Variants in FHOD3 observed in about 807,000 individuals in gnomAD.
FHOD3 encodes FH1/FH2 domain-containing protein 3.
FHOD3 carries 90 observed loss-of-function variants against 173.0 expected under a neutral mutation model. The observed-to-expected ratio is 0.52, with a 90% CI of 0.44 to 0.62. FHOD3 has a LOEUF of 0.62. Ranked by LOEUF, FHOD3 falls within the 20% of genes least tolerant of loss-of-function variation. The pLI is 0.00. For missense variants in FHOD3, 1,945 were observed against 2,034.7 expected (o/e 0.96, Z 0.85); for synonymous variants, 828 against 823.0 (o/e 1.01, Z -0.10).
At chr18:36,636,207 T>C (rs549894841) in intron 10 of FHOD3, among the ~76,000 whole-genome samples, 26 of 152,276 alleles carry the variant, frequency 1.7e-4, no homozygotes, top group Non-Finnish European at 2.6e-4. Flanking sequence ...TTGCTGGCAG[T>C]CCACGCAGGC....
In FHOD3 at chr18:36,436,569, C is replaced by T. The variant is rs1383546721; in HGVS notation, c.337+63825C>T. 3.9e-5 allele frequency among the ~76,000 whole-genome samples: 6 copies of T among 152,224 alleles called. No homozygotes were observed. In the South Asian group the frequency reaches 8.3e-4, roughly 21 times the overall value. On this transcript the variant is annotated intron_variant, in intron 3 of 28. Transcript: ENST00000590592. ...GTTACGTCCCATGATTTAACTGCAG[C>T]GATTTGTGACGTAATGATCTTAATA...
intron 1 of FHOD3, among the ~76,000 whole-genome samples, chr18:36,308,542 C>G (rs888543880): frequency 6.6e-6 from 1 of 152,196 alleles, no homozygotes; most frequent in African/African-American, 2.4e-5. Context: ...CCCATTGTCT[C>G]TACCCATTTT....
intron 3 of FHOD3, among the ~76,000 whole-genome samples, chr18:36,385,587 G>C (rs946744966): frequency 2.6e-5 from 4 of 152,118 alleles, no homozygotes; most frequent in Non-Finnish European, 5.9e-5. Context: ...CGTAGAGACA[G>C]GGTTTCACCA....
At chr18:36,541,249 C>CAAAAAAAAAAAAAAAAAAAAA (rs770104487) in intron 5 of FHOD3, among the ~76,000 whole-genome samples, 5 of 40,332 alleles carry the variant, frequency 1.2e-4, no homozygotes, top group African/African-American at 1.8e-4. Flanking sequence ...GACTCTGTCT[C>CAAAAAAAAAAAAAAAAAAAAA]AAAAAAAAAA....
chr18:36,481,613 A>T (rs2053903764), intron 3 of FHOD3, among the ~76,000 whole-genome samples: 1 of 152,142 alleles, frequency 6.6e-6, no homozygotes, highest in Non-Finnish European at 1.5e-5. Context: ...CCACGCAGAC[A>T]TTTTTCTCTC....
chr18:36,392,437 G>A (rs1227802510), intron 3 of FHOD3, among the ~76,000 whole-genome samples: 1 of 152,196 alleles, frequency 6.6e-6, no homozygotes, highest in Non-Finnish European at 1.5e-5. Context: ...TCCCTGAAGT[G>A]CTGATAACTT....
At chr18:36,720,773 TCC>T (rs1385926505) in intron 19 of FHOD3, among the ~76,000 whole-genome samples, 776 of 39,378 alleles carry the variant, frequency 0.02, 7 homozygotes, top group African/African-American at 0.075. Flanking sequence ...CTTCTCCTCC[TCC>T]TCCTCTTCCT....
In FHOD3 at chr18:36,415,552, G is replaced by T. The variant is rs545838773; in HGVS notation, c.337+42808G>T. ...ATTTGGTCTGTCACTGAGGACAAATGGTTCCTTTTCAGCTGCATTTTGTTT... is the reference window on the plus strand; with the variant it reads ...ATTTGGTCTGTCACTGAGGACAAATTGTTCCTTTTCAGCTGCATTTTGTTT... On this transcript the variant is annotated intron_variant, in intron 3 of 28. Transcript: ENST00000590592. 3.3e-4 allele frequency among the ~76,000 whole-genome samples: 50 copies of T among 152,286 alleles called. No homozygotes were observed. The South Asian group carries it at 3.5e-3, about 11-fold the overall frequency.
At chr18:36,366,242 G>A (rs534159403) in intron 2 of FHOD3, among the ~76,000 whole-genome samples, 5 of 152,152 alleles carry the variant, frequency 3.3e-5, no homozygotes, top group Non-Finnish European at 7.4e-5. Flanking sequence ...AAGAGAGAAC[G>A]AGAAAAAGGT....
rs141342645 is a variant in FHOD3 at position 36,741,760 on chromosome 18, G to T, written c.3759+922G>T. The stretch of plus-strand genomic sequence containing the variant: ...TACTCTAGCCTGGGCAACAGAGTGA[G>T]ACCTCCATCTCTAAAAAAAATAAAG... On this transcript the variant is annotated intron_variant, in intron 21 of 28. Coordinates refer to ENST00000590592, the MANE Select transcript of FHOD3 (RefSeq NM_001281740.3). Among the ~76,000 whole-genome samples the T allele has an allele frequency of 4.9e-3, 689 of 140,520 alleles. 7 individuals are homozygous for T. The highest frequency in any genetic ancestry group is 0.018 in the African/African-American group (636 of 35,560). The allele number at this position is 140,520 out of a possible 152,430, so 92.2% of individuals were successfully genotyped here. A position where few individuals can be genotyped will look rare whatever the true frequency, so the allele number is the denominator to read the frequency against.
intron 3 of FHOD3, among the ~76,000 whole-genome samples, chr18:36,399,306 A>G (rs987609944): frequency 6.6e-6 from 1 of 152,186 alleles, no homozygotes; most frequent in Admixed American, 6.5e-5. Context: ...TCATTATTTC[A>G]GCTCTGAACA....
chr18:36,507,218 A>G (rs1039942722), intron 4 of FHOD3, among the ~76,000 whole-genome samples: 12 of 152,394 alleles, frequency 7.9e-5, no homozygotes, highest in African/African-American at 2.9e-4. Context: ...GATCACCCAC[A>G]TGGGTGGCTA....
chr18:36,336,848 C>CAAAAAAAA (rs36099993), intron 1 of FHOD3, among the ~76,000 whole-genome samples: 1 of 35,800 alleles, frequency 2.8e-5, no homozygotes, highest in African/African-American at 8.4e-5. Context: ...AACTCCGTCT[C>CAAAAAAAA]AAAAAAAAAA....
intron 7 of FHOD3, among the ~76,000 whole-genome samples, chr18:36,600,111 C>T (rs2031130746): frequency 6.6e-6 from 1 of 152,184 alleles, no homozygotes; most frequent in Non-Finnish European, 1.5e-5. Context: ...TAGGTACAGT[C>T]ATCCCAGAGG....
At chr18:36,331,239 T>C (rs1002822894) in intron 1 of FHOD3, among the ~76,000 whole-genome samples, 1 of 152,224 alleles carries the variant, frequency 6.6e-6, no homozygotes, top group African/African-American at 2.4e-5. Context: ...ACTACTAGTT[T>C]AAGAATATTC....
intron 3 of FHOD3, among the ~76,000 whole-genome samples, chr18:36,483,991 A>G (rs1236614329): frequency 6.6e-6 from 1 of 152,234 alleles, no homozygotes; most frequent in African/African-American, 2.4e-5. Flanking sequence ...TGAGTCTGGT[A>G]GAAATGCGGA....
At chr18:36,419,133 C>G (rs2049847298) in intron 3 of FHOD3, among the ~76,000 whole-genome samples, 1 of 151,854 alleles carries the variant, frequency 6.6e-6, no homozygotes, top group African/African-American at 2.4e-5. Flanking sequence ...TACCAAGTAT[C>G]AAATTCAAGG....
chr18:36,481,956 G>A (rs2053924820), intron 3 of FHOD3, among the ~76,000 whole-genome samples: 1 of 152,132 alleles, frequency 6.6e-6, no homozygotes, highest in African/African-American at 2.4e-5. Flanking sequence ...CTTGTTATGG[G>A]TTAGAGTTTT....
intron 21 of FHOD3, among the ~76,000 whole-genome samples, chr18:36,741,734 G>A (rs1190525205): frequency 6.6e-6 from 1 of 151,814 alleles, no homozygotes; most frequent in Non-Finnish European, 1.5e-5. Flanking sequence ...TCACCTTACT[G>A]TACTCTAGCC....
Sources: allele counts gnomAD v4.1 joint callset (sites outside exome capture counted in the v4.1 genomes callset), GRCh38; gene constraint gnomAD v4.1.1; transcripts MANE v1.5; gene names NCBI Gene and HGNC (gene_info 2026-07-23, HGNC 2026-07-21).